TACC2: variants seen among roughly 807,000 people sequenced by gnomAD.
The protein encoded by TACC2 is transforming acidic coiled-coil containing protein 2.
TACC2 carries 137 observed loss-of-function variants against 227.3 expected under a neutral mutation model. That is an observed-to-expected ratio of 0.60 (90% CI 0.52 to 0.69). TACC2 has a LOEUF of 0.69. Ranked by LOEUF, TACC2 falls within the 30% of genes least tolerant of loss-of-function variation. The pLI is 0.00. For synonymous variants in TACC2, 1,523 were observed against 1,487.5 expected, an observed-to-expected ratio of 1.02 and a Z score of -0.55; for missense variants, 3,470 against 3,694.4, an observed-to-expected ratio of 0.94 and a Z score of 1.57.
chr10:122,070,768 A>AG (rs1435454716), intron 3 of TACC2, among the ~76,000 whole-genome samples: 10 of 151,152 alleles, frequency 6.6e-5, no homozygotes, highest in Non-Finnish European at 1.2e-4. Context: ...AAAAAAAAAA[A>AG]AAAGAAATTA....
chr10:122,226,520 G>C lies in TACC2; in HGVS notation c.7724+39G>C, dbSNP rs765497551. The C allele has an allele frequency of 4.1e-6, 6 of 1,455,316 alleles. 1 individual carries two copies. The highest frequency in any genetic ancestry group is 1.7e-5 in the Admixed American group (1 of 57,592). 90.2% of individuals were successfully genotyped at this position (1,455,316 alleles called of 1,614,324 possible). A position where few individuals can be genotyped will look rare whatever the true frequency, so the allele number is the denominator to read the frequency against. On this transcript the variant is annotated intron_variant, in intron 13 of 22. Coordinates refer to ENST00000369005, the MANE Select transcript of TACC2 (RefSeq NM_206862.4). Reference sequence around the variant, plus strand: ...GATGAGAGAGTTACACATCATGCTGGATGTTCTAAAGCCTCTGAGCACCTT... The same window carrying C: ...GATGAGAGAGTTACACATCATGCTGCATGTTCTAAAGCCTCTGAGCACCTT...
intron 9 of TACC2, among the ~76,000 whole-genome samples, chr10:122,214,972 G>T (rs1255569938): frequency 1.3e-5 from 2 of 152,142 alleles, no homozygotes; most frequent in African/African-American, 4.8e-5. Context: ...ATTAAGTGAG[G>T]TGTCGCCTTG....
At position 122,087,156 on chromosome 10, in the gene TACC2, C is replaced by A; in HGVS notation, c.4656C>A (p.Ser1552Arg). 6.2e-7 allele frequency: 1 copy of A among 1,611,174 alleles called. No homozygotes were observed. The highest frequency in any genetic ancestry group is 8.5e-7 in the Non-Finnish European group (1 of 1,179,114). ...EGQAYSQLER[S>R]RQELASGLPS... ...AGGCTTACTCACAGCTGGAGAGGAG[C>A]AGGCAGGAATTAGCTTCAGGTCTTC... The change falls in exon 4 of 23, where the codon AGC (serine) becomes AGA (arginine). Residue 1552 changes from serine to arginine, a missense_variant. Physicochemically the swap from Ser to Arg is moderately radical, Grantham distance 110. This residue lies in a region of TACC2 where 1,924 missense variants were observed against 1,978.3 expected (regional missense o/e 0.97). Transcript: ENST00000369005.
At chr10:121,996,748 G>A (rs1481869560) in intron 1 of TACC2, among the ~76,000 whole-genome samples, 1 of 152,160 alleles carries the variant, frequency 6.6e-6, no homozygotes, top group African/African-American at 2.4e-5. Context: ...TTGAGGGAAA[G>A]ATGTTAAGTG....
At chr10:122,250,464 G>C (rs1164659878) in intron 22 of TACC2, among the ~76,000 whole-genome samples, 1 of 152,206 alleles carries the variant, frequency 6.6e-6, no homozygotes, top group Non-Finnish European at 1.5e-5. Context: ...GGCATCCTTT[G>C]TTGGCATCAG....
intron 7 of TACC2, among the ~76,000 whole-genome samples, chr10:122,155,192 C>G (rs1292765104): frequency 6.6e-6 from 1 of 152,102 alleles, no homozygotes; most frequent in Non-Finnish European, 1.5e-5. Flanking sequence ...GAGCCCCTCC[C>G]ACCACAGAGG....
At position 122,086,452 on chromosome 10, in the gene TACC2, A is replaced by G; in HGVS notation, c.3952A>G (p.Thr1318Ala). 1 of 1,613,880 alleles carries G rather than the reference A, an allele frequency of 6.2e-7. No individual in the cohort carries two copies. The highest frequency in any genetic ancestry group is 1.7e-5 in the Admixed American group (1 of 60,034). The part of the protein sequence containing the change: ...QASSGSPKAR[T>A]TEGPVDSMPC... ...CAGCAGTGGTAGTCCCAAAGCCAGA[A>G]CCACTGAGGGACCAGTGGACTCCAT... Residue 1318 changes from threonine to alanine, a missense_variant, in exon 4 of 23, where the codon ACC (threonine) becomes GCC (alanine). Physicochemically the swap from Thr to Ala is moderately conservative, Grantham distance 58. Coordinates refer to ENST00000369005, the MANE Select transcript of TACC2 (RefSeq NM_206862.4).
Position 122,142,762 on chromosome 10 carries a change from T to C in TACC2, c.5700-810T>C, listed in dbSNP as rs574303960. Among the ~76,000 whole-genome samples, 4 of 152,356 alleles carry C rather than the reference T, an allele frequency of 2.6e-5. No homozygotes were observed. In the South Asian group the frequency reaches 8.3e-4, roughly 32 times the overall value. On this transcript the variant is annotated intron_variant, in intron 6 of 22. Coordinates refer to ENST00000369005, the MANE Select transcript of TACC2 (RefSeq NM_206862.4). ...TGGCTACCCCAAGACACCTTCAGCC[T>C]GGCCAGTCCCACTGTGGACCAGAGC...
chr10:122,224,890 G>C, intron 12 of TACC2, 103 bp downstream of exon 12: 1 of 925,126 alleles, frequency 1.1e-6, no homozygotes, highest in Non-Finnish European at 1.7e-6. Flanking sequence ...CCCAAATCGA[G>C]TGTTTTCTGT....
At chr10:122,196,016 C>T (rs1009938030) in intron 8 of TACC2, among the ~76,000 whole-genome samples, 8 of 152,204 alleles carry the variant, frequency 5.3e-5, no homozygotes, top group East Asian at 1.9e-4. Flanking sequence ...CTAGACCACA[C>T]GCTGGATACC....
chr10:121,997,481 AG>A (rs1953679711), intron 1 of TACC2, among the ~76,000 whole-genome samples: 1 of 152,180 alleles, frequency 6.6e-6, no homozygotes, highest in South Asian at 2.1e-4. Context: ...TCCCCACATA[AG>A]CCAGAATCTA....
intron 1 of TACC2, among the ~76,000 whole-genome samples, chr10:122,019,185 CTG>C (rs1565081975): frequency 6.6e-6 from 1 of 152,258 alleles, no homozygotes; most frequent in East Asian, 1.9e-4. Flanking sequence ...GCCGGCAAGT[CTG>C]CCTATCAGCG....
At chr10:122,052,801 C>T (rs973968147) in intron 3 of TACC2, 2 of 152,132 alleles carry the variant, frequency 1.3e-5, no homozygotes, top group African/African-American at 4.8e-5. Context: ...TAGTGCAGGG[C>T]CCTGTACTAA....
intron 16 of TACC2, among the ~76,000 whole-genome samples, chr10:122,235,191 G>A (rs1253874668): frequency 2.0e-5 from 3 of 152,132 alleles, no homozygotes; most frequent in South Asian, 2.1e-4. Flanking sequence ...GGTTTCAAGC[G>A]ATTCTCGTGC....
chr10:122,151,490 TCAGA>T lies in TACC2; in HGVS notation c.5834+7789_5834+7792del, dbSNP rs552078867. Among the ~76,000 whole-genome samples, 16 of 152,162 alleles carry T rather than the reference TCAGA, an allele frequency of 1.1e-4. No individual in the cohort carries two copies. The South Asian group carries it at 2.5e-3, about 24-fold the overall frequency. The stretch of plus-strand genomic sequence containing the variant: ...GGGACTAGAGGGAGGTACGGCGGTC[TCAGA>T]CAGAGCAGCAGGGTGAGCAGCCAAG... On this transcript the variant is annotated intron_variant, in intron 7 of 22. Coordinates refer to ENST00000369005, the MANE Select transcript of TACC2 (RefSeq NM_206862.4).
rs1288263397 is a variant in TACC2 at position 122,248,623 on chromosome 10, C to T, written c.8393-20C>T. 1 of 1,612,240 alleles carries T rather than the reference C, an allele frequency of 6.2e-7. No homozygotes were observed. Among genetic ancestry groups the T allele is most frequent in the African/African-American group, 1.3e-5 (1 of 74,968 alleles). On this transcript the variant is annotated intron_variant, in intron 19 of 22. Coordinates refer to ENST00000369005, the MANE Select transcript of TACC2 (RefSeq NM_206862.4). ...GGACTTTCTGGGCTCCATCATTTGG[C>T]TCCTGGTCTCTCCTGCCAGAGGACG...
rs144521769 is a variant in TACC2, at chr10:122,154,262, G to A, written c.5834+10556G>A. ...CTTGGAGCCAAACTTGCTGCTGCTCGGACAAAGGAGCCGTCCCATACTGGG... is the reference window on the plus strand; with the variant it reads ...CTTGGAGCCAAACTTGCTGCTGCTCAGACAAAGGAGCCGTCCCATACTGGG... On this transcript the variant is annotated intron_variant, in intron 7 of 22. Coordinates refer to ENST00000369005, the MANE Select transcript of TACC2 (RefSeq NM_206862.4). Among the ~76,000 whole-genome samples, 119 of 152,338 alleles carry A rather than the reference G, an allele frequency of 7.8e-4. 1 individual carries two copies. Among genetic ancestry groups the A allele is most frequent in the African/African-American group, 2.5e-3 (105 of 41,580 alleles).
chr10:122,133,994 G>A (rs562193637), intron 6 of TACC2, among the ~76,000 whole-genome samples: 4 of 152,216 alleles, frequency 2.6e-5, no homozygotes, highest in South Asian at 4.2e-4. Context: ...GCAGGCAGGC[G>A]GCCGACAGCA....
intron 1 of TACC2, among the ~76,000 whole-genome samples, chr10:121,997,902 G>T (rs1953748347): frequency 6.6e-6 from 1 of 152,110 alleles, no homozygotes; most frequent in South Asian, 2.1e-4. Context: ...GCCTAGGGGA[G>T]ATTTGTCCAT....
Sources: gnomAD v4.1 joint callset for allele counts (sites outside exome capture counted in the v4.1 genomes callset) on GRCh38, gnomAD v4.1.1 for gene constraint, gnomAD v4.1.1 regional missense constraint, MANE v1.5 for transcripts, NCBI Gene and HGNC (gene_info 2026-07-23, HGNC 2026-07-21) for gene names.